RSF1: variants seen among roughly 807,000 people sequenced by gnomAD.
RSF1 encodes HBV pX-associated protein 8.
In RSF1, 13 loss-of-function variants were observed where a neutral mutation model predicts 145.2. The observed-to-expected ratio is 0.09, with a 90% CI of 0.06 to 0.14. The LOEUF (loss-of-function observed/expected upper bound fraction) is 0.14. RSF1 is among the 10% of genes least tolerant of loss of function. RSF1 has a pLI of 1.00. For synonymous variants in RSF1, 577 were observed against 592.6 expected (o/e 0.97, Z 0.38); for missense variants, 1,517 against 1,718.2 (o/e 0.88, Z 2.07).
intron 3 of RSF1, among the ~76,000 whole-genome samples, chr11:77,746,764 T>C (rs1029172815): frequency 2.0e-5 from 3 of 152,178 alleles, no homozygotes; most frequent in Non-Finnish European, 2.9e-5. Context: ...ATAGTAATGA[T>C]TGTGAAGGCT....
intron 1 of RSF1, among the ~76,000 whole-genome samples, chr11:77,799,750 T>C (rs1427830206): frequency 6.6e-6 from 1 of 152,112 alleles, no homozygotes; most frequent in Non-Finnish European, 1.5e-5. Flanking sequence ...ATTAATAAAA[T>C]TGATAAACCT....
At chr11:77,692,899 A>AT (rs1169274236) in intron 8 of RSF1, among the ~76,000 whole-genome samples, 1 of 151,764 alleles carries the variant, frequency 6.6e-6, no homozygotes, top group Non-Finnish European at 1.5e-5. Flanking sequence ...GATGGTCTCG[A>AT]TCTCTTGACC....
the RSF1 span, among the ~76,000 whole-genome samples, chr11:77,833,430 A>G: frequency 6.6e-6 from 1 of 152,146 alleles, no homozygotes; most frequent in South Asian, 2.1e-4. Context: ...GCAGTTCACA[A>G]TAGGGTTCAC....
At position 77,662,517 on chromosome 11, in the gene RSF1, C is replaced by T. The variant is rs1414312412; in HGVS notation, c.*4400G>A. ...TCTTCAACATATTACAGTTACTTAG[C>T]AATTCTTGGCACTCAAAAGATGTTA... is the stretch of plus-strand genomic sequence containing the variant. On this transcript the variant is annotated 3_prime_UTR_variant, in exon 16 of 16. Coordinates refer to ENST00000308488, the MANE Select transcript of RSF1 (RefSeq NM_016578.4). The T allele has an allele frequency of 6.6e-6, 1 of 152,134 alleles. No homozygotes were observed. 9.4% of individuals were successfully genotyped at this position (152,134 alleles called of 1,614,324 possible). A position where few individuals can be genotyped will look rare whatever the true frequency, so the allele number is the denominator to read the frequency against.
At chr11:77,737,499 G>A (rs1038571708) in intron 4 of RSF1, among the ~76,000 whole-genome samples, 11 of 143,128 alleles carry the variant, frequency 7.7e-5, no homozygotes, top group Non-Finnish European at 1.1e-4. Flanking sequence ...ACAAAAAAAC[G>A]GAAAACTGCG....
intron 1 of RSF1, among the ~76,000 whole-genome samples, chr11:77,770,427 C>G (rs1226329375): frequency 6.6e-6 from 1 of 152,170 alleles, no homozygotes; most frequent in East Asian, 1.9e-4. Context: ...TGCACTCCAG[C>G]CTAGGTGACA....
At chr11:77,743,444 T>C (rs1392697442) in intron 3 of RSF1, among the ~76,000 whole-genome samples, 1 of 152,226 alleles carries the variant, frequency 6.6e-6, no homozygotes, top group Non-Finnish European at 1.5e-5. Context: ...ACCTCTTTGG[T>C]CAAATTTACT....
At chr11:77,707,635 C>A (rs934754781) in intron 5 of RSF1, among the ~76,000 whole-genome samples, 3 of 152,092 alleles carry the variant, frequency 2.0e-5, no homozygotes, top group African/African-American at 7.2e-5. Context: ...TTTAACCAAC[C>A]AGCAAAGTTT....
At chr11:77,750,201 T>C (rs1258126164) in intron 2 of RSF1, among the ~76,000 whole-genome samples, 1 of 152,182 alleles carries the variant, frequency 6.6e-6, no homozygotes, top group Non-Finnish European at 1.5e-5. Context: ...AAAAAGATTA[T>C]TCAAAAAGAC....
At chr11:77,804,093 T>A (rs529630888) in intron 1 of RSF1, among the ~76,000 whole-genome samples, 1 of 152,102 alleles carries the variant, frequency 6.6e-6, no homozygotes, top group East Asian at 1.9e-4. Context: ...AAAACTGTCA[T>A]ACTGAGCAGT....
At chr11:77,733,598 G>A (rs1280036295) in intron 4 of RSF1, among the ~76,000 whole-genome samples, 1 of 125,220 alleles carries the variant, frequency 8.0e-6, no homozygotes, top group Non-Finnish European at 1.6e-5. Context: ...GTCTCACTCT[G>A]TTGCCCAGGC....
chr11:77,847,129 C>A, the RSF1 span, among the ~76,000 whole-genome samples: 2 of 152,210 alleles, frequency 1.3e-5, no homozygotes, highest in East Asian at 3.9e-4. Context: ...CATTTGCCCA[C>A]GGGTGGAATT....
chr11:77,758,461 T>C (rs1004667438), intron 2 of RSF1, among the ~76,000 whole-genome samples: 2 of 152,176 alleles, frequency 1.3e-5, no homozygotes, highest in Non-Finnish European at 2.9e-5. Flanking sequence ...AGTAATTATA[T>C]ATGTAGAAGT....
chr11:77,799,313 C>A (rs1178572111), intron 1 of RSF1, among the ~76,000 whole-genome samples: 1 of 151,796 alleles, frequency 6.6e-6, no homozygotes, highest in Non-Finnish European at 1.5e-5. Flanking sequence ...AATCTGAGAC[C>A]AGCTTGCAAC....
Position 77,701,350 on chromosome 11 carries a change from C to G in RSF1, c.1879G>C (p.Glu627Gln). ...ATGATATTAGATGGTGGAGAAGTTT[C>G]AGCTGCCTCAGGAGAGCCAGGCTTT... is the stretch of plus-strand genomic sequence containing the variant. ...SEKPGSPEAA[E>Q]TSPPSNIIDH... The change falls in exon 6 of 16, where the codon GAA becomes CAA. Residue 627 changes from glutamate (E) to glutamine (Q), a missense_variant. By Grantham distance (29) the Glu-to-Gln change is conservative (BLOSUM62 2). Transcript: ENST00000308488. 1.2e-6 allele frequency: 2 copies of G among 1,614,078 alleles called. No homozygotes were observed. Among genetic ancestry groups the G allele is most frequent in the Non-Finnish European group, 1.7e-6 (2 of 1,180,026 alleles).
intron 4 of RSF1, chr11:77,738,846 A>AT (rs1299116117): frequency 0.021 from 3,049 of 145,918 alleles, 89 homozygotes; most frequent in African/African-American, 0.07. Flanking sequence ...AACCCAGCTA[A>AT]TTTTTTTTTT....
At chr11:77,729,026 A>C (rs1961130591) in intron 4 of RSF1, among the ~76,000 whole-genome samples, 1 of 152,150 alleles carries the variant, frequency 6.6e-6, no homozygotes, top group African/African-American at 2.4e-5. Context: ...TGAGAGAAAA[A>C]GCAGTTACGG....
At chr11:77,833,272 A>G in the RSF1 span, among the ~76,000 whole-genome samples, 1 of 152,038 alleles carries the variant, frequency 6.6e-6, no homozygotes, top group Non-Finnish European at 1.5e-5. Context: ...AAATAATTAT[A>G]CAACTGACCA....
intron 1 of RSF1, among the ~76,000 whole-genome samples, chr11:77,793,058 G>A (rs150983629): frequency 2.2e-3 from 340 of 152,184 alleles, no homozygotes; most frequent in African/African-American, 7.3e-3. Context: ...AAGAAAAGAA[G>A]AAAGAAATAC....
Sources: allele counts gnomAD v4.1 joint callset (sites outside exome capture counted in the v4.1 genomes callset), GRCh38; gene constraint gnomAD v4.1.1; transcripts MANE v1.5; gene names NCBI Gene and HGNC (gene_info 2026-07-23, HGNC 2026-07-21).